The following MACF1 variants were observed in gnomAD, a reference collection of about 807,000 sequenced individuals.
MACF1 encodes microtubule-actin cross-linking factor 1.
A neutral mutation model predicts 854.8 loss-of-function variants in MACF1; 193 were observed. The observed-to-expected ratio is 0.23, with a 90% confidence interval of 0.20 to 0.25. The LOEUF (loss-of-function observed/expected upper bound fraction) is 0.25, where lower values mean the gene tolerates loss of function less well. Ranked by LOEUF, MACF1 falls within the 10% of genes least tolerant of loss-of-function variation. The pLI is 1.00. For synonymous variants in MACF1, 3,185 were observed against 3,226.7 expected, an observed-to-expected ratio of 0.99 and a Z score of 0.44; for missense variants, 7,722 against 8,929.1, an observed-to-expected ratio of 0.86 and a Z score of 5.45.
At chr1:39,363,099 A>G (rs1435694139) in intron 49 of MACF1, among the ~76,000 whole-genome samples, 1 of 152,128 alleles carries the variant, frequency 6.6e-6, no homozygotes, top group Non-Finnish European at 1.5e-5. Context: ...CCTATGACCC[A>G]CTATGTACTG....
rs750378053 is a variant in MACF1, at chr1:39,340,964, G to A, written c.10581+11G>A. 6.3e-7 allele frequency: 1 copy of A among 1,586,104 alleles called. No homozygotes were observed. The highest frequency in any genetic ancestry group is 8.6e-7 in the Non-Finnish European group (1 of 1,168,312). On this transcript the variant is annotated intron_variant, in intron 40 of 100. Coordinates refer to ENST00000564288, the MANE Select transcript of MACF1 (RefSeq NM_001394062.1). Reference sequence around the variant, plus strand: ...CTCCAACAGTATGAGGTAAACTCAAGCACATTTTCTTTGTCCTTTGAGTTG... The same window carrying A: ...CTCCAACAGTATGAGGTAAACTCAAACACATTTTCTTTGTCCTTTGAGTTG...
intron 2 of MACF1, among the ~76,000 whole-genome samples, chr1:39,123,718 T>G (rs867779042): frequency 3.5e-4 from 5 of 14,202 alleles, no homozygotes; most frequent in Middle Eastern, 0.019. Context: ...TCTTGTTTTG[T>G]TTTTTTTTTT....
At chr1:39,102,161 C>G (rs1329115648) in intron 2 of MACF1, among the ~76,000 whole-genome samples, 1 of 143,668 alleles carries the variant, frequency 7.0e-6, no homozygotes, top group African/African-American at 2.6e-5. Flanking sequence ...TGGGCGACAG[C>G]GAGACTCCGT....
chr1:39,135,323 T>A (rs1316750257), intron 2 of MACF1, among the ~76,000 whole-genome samples: 1 of 152,182 alleles, frequency 6.6e-6, no homozygotes, highest in Non-Finnish European at 1.5e-5. Context: ...TTCCGCTCAC[T>A]GTAATCTCCG....
At chr1:39,257,334 A>T (rs570840793) in intron 5 of MACF1, among the ~76,000 whole-genome samples, 5 of 151,706 alleles carry the variant, frequency 3.3e-5, no homozygotes, top group South Asian at 2.1e-4. Context: ...ACGGAGTCTC[A>T]CTCTGTCGCC....
Position 39,315,647 on chromosome 1 carries a change from G to A in MACF1, c.3405G>A (p.Glu1135=). The A allele has an allele frequency of 6.2e-7, 1 of 1,614,162 alleles. No individual in the cohort carries two copies. The change falls in exon 27 of 101, where the codon GAG becomes GAA. Residue 1135 remains glutamate (E), a synonymous_variant. Transcript: ENST00000564288. ...TLRSELNLLV[E]KMDHVYGLST... is the part of the protein sequence containing the mutation. ...GCTCAGAACTGAATCTGCTGGTGGA[G>A]AAGATGGACCATGTCTATGGTCTCT... is the stretch of plus-strand genomic sequence containing the variant.
intron 97 of MACF1, among the ~76,000 whole-genome samples, chr1:39,474,004 A>C (rs1390378353): frequency 6.6e-6 from 1 of 152,176 alleles, no homozygotes; most frequent in African/African-American, 2.4e-5. Context: ...GTACAATCCC[A>C]ACACTTTGGG....
At chr1:39,378,590 G>C (rs542255385) in intron 53 of MACF1, 67 bp downstream of exon 53, 3 of 1,439,926 alleles carry the variant, frequency 2.1e-6, no homozygotes, top group East Asian at 2.3e-5. Flanking sequence ...GTTTGCATCT[G>C]TGTATGTTGC....
chr1:39,331,601 C>T lies in MACF1; in HGVS notation c.5013C>T (p.Asn1671=), dbSNP rs567294509. 2 of 1,614,154 alleles carry T rather than the reference C, an allele frequency of 1.2e-6. No homozygotes were observed. Among genetic ancestry groups the T allele is most frequent in the Non-Finnish European group, 1.7e-6 (2 of 1,180,026 alleles). The change falls in exon 37 of 101, where the codon AAC becomes AAT. Residue 1671 remains asparagine (N), a synonymous_variant. Coordinates refer to ENST00000564288, the MANE Select transcript of MACF1 (RefSeq NM_001394062.1). ...TTTCCCCTAGTGAGAACTGTATTAA[C>T]CTGGAAGAGGCTTTTCATCAAGGCC... is the stretch of plus-strand genomic sequence containing the variant. ...FSLSPSENCI[N]LEEAFHQGLI... is the part of the protein sequence containing the mutation.
At chr1:39,326,677 T>C (rs569968164) in intron 35 of MACF1, among the ~76,000 whole-genome samples, 7 of 30,392 alleles carry the variant, frequency 2.3e-4, no homozygotes, top group African/African-American at 7.3e-4. Flanking sequence ...CGAGACTCCA[T>C]CTCAAAAAAA....
chr1:39,279,129 A>C (rs1473380662), intron 6 of MACF1, among the ~76,000 whole-genome samples: 1 of 152,186 alleles, frequency 6.6e-6, no homozygotes, highest in Non-Finnish European at 1.5e-5. Flanking sequence ...TGGGCTTATT[A>C]GCTGGCATCA....
chr1:39,372,605 AG>A lies in MACF1; in HGVS notation c.13213+11del, dbSNP rs754601290. On this transcript the variant is annotated intron_variant, in intron 52 of 100. Transcript: ENST00000564288. ...TTCCCAAGGCAAGACAGGTGAGTAC[AG>A]GCTCTTCAAAATATAGTGAATAAAA... 8.3e-6 allele frequency: 13 copies of A among 1,561,876 alleles called. No individual in the cohort carries two copies. Among genetic ancestry groups the A allele is most frequent in the African/African-American group, 8.1e-5 (6 of 73,954 alleles).
At chr1:39,410,423 AG>A in intron 58 of MACF1, 1 of 1,614,072 alleles carries the variant, frequency 6.2e-7, no homozygotes, top group Non-Finnish European at 8.5e-7. Context: ...CAGGGGTCAA[AG>A]CTTAACCAGA....
intron 5 of MACF1, among the ~76,000 whole-genome samples, chr1:39,255,415 T>C (rs549622883): frequency 5.8e-4 from 88 of 152,200 alleles, no homozygotes; most frequent in African/African-American, 2.0e-3. Flanking sequence ...CTGCTTAGAG[T>C]GAGCCATATG....
chr1:39,346,315 T>G (rs576653551), intron 40 of MACF1, among the ~76,000 whole-genome samples: 2 of 151,814 alleles, frequency 1.3e-5, no homozygotes, highest in Middle Eastern at 3.4e-3. Context: ...TGAGCCGAGA[T>G]GGCGCCCCTG....
chr1:39,470,711 T>C (rs1324590464), intron 97 of MACF1, among the ~76,000 whole-genome samples: 1 of 152,230 alleles, frequency 6.6e-6, no homozygotes, highest in Non-Finnish European at 1.5e-5. Flanking sequence ...TTAAAAGCTG[T>C]CTTTTATTGC....
intron 89 of MACF1, chr1:39,456,686 T>G (rs1210729485): frequency 6.6e-6 from 1 of 152,284 alleles, no homozygotes; most frequent in African/African-American, 2.4e-5. Context: ...TCTCTCCCTG[T>G]TTATTCTTTT....
rs1646757493 is a variant in MACF1 at position 39,333,232 on chromosome 1, C to A, written c.6644C>A (p.Ser2215Tyr). The A allele has an allele frequency of 6.2e-7, 1 of 1,613,100 alleles. No individual in the cohort carries two copies. The highest frequency in any genetic ancestry group is 1.1e-5 in the South Asian group (1 of 90,800). ...CTAGGTATAAAGTTAGAACTAAAGT[C>A]TGAAACTGATGGGAATGTTCATCCT... ...KTLGIKLELK[S>Y]ETDGNVHPLD... Residue 2215 changes from serine (S) to tyrosine (Y), a missense_variant, in exon 37 of 101, where the codon TCT becomes TAT. Ser to Tyr is a moderately radical substitution (Grantham distance 144). This residue lies in a region of MACF1 where 1,531 missense variants were observed against 1,601.6 expected (regional missense o/e 0.96). Coordinates refer to ENST00000564288, the MANE Select transcript of MACF1 (RefSeq NM_001394062.1).
chr1:39,348,312 A>G (rs1051304546), intron 41 of MACF1, among the ~76,000 whole-genome samples: 1 of 152,242 alleles, frequency 6.6e-6, no homozygotes, highest in Non-Finnish European at 1.5e-5. Context: ...GAGCCACATT[A>G]AGACAAGACC....
Sources: allele counts gnomAD v4.1 joint callset (sites outside exome capture counted in the v4.1 genomes callset), GRCh38; gene constraint gnomAD v4.1.1; regional missense constraint gnomAD v4.1.1; transcripts MANE v1.5; gene names NCBI Gene and HGNC (gene_info 2026-07-23, HGNC 2026-07-21).